Variants in SPECC1L observed in about 807,000 individuals in gnomAD.
The protein encoded by SPECC1L is cytospin-A.
SPECC1L carries 40 observed loss-of-function variants against 116.8 expected under a neutral mutation model. The ratio of observed to expected loss-of-function variants is 0.34; its 90% confidence interval spans 0.27 to 0.45. The LOEUF is 0.45. Ranked by LOEUF, SPECC1L falls within the 20% of genes least tolerant of loss-of-function variation. SPECC1L has a pLI of 1.00. For synonymous variants in SPECC1L, 504 were observed against 500.6 expected, an observed-to-expected ratio of 1.01 and a Z score of -0.09; for missense variants, 1,110 against 1,373.6, an observed-to-expected ratio of 0.81 and a Z score of 3.03.
intron 2 of SPECC1L, among the ~76,000 whole-genome samples, chr22:24,298,386 T>G (rs1237183213): frequency 6.6e-6 from 1 of 152,238 alleles, no homozygotes. Context: ...GGGCAATATC[T>G]GCATTTTTAG....
intron 14 of SPECC1L, among the ~76,000 whole-genome samples, chr22:24,390,888 T>TTTC (rs1569445815): frequency 2.8e-5 from 3 of 106,018 alleles, no homozygotes; most frequent in East Asian, 2.7e-4. Flanking sequence ...TTTTTTTTTT[T>TTTC]TTTTTTTTTT....
chr22:24,393,951 G>A (rs925143766), intron 14 of SPECC1L, among the ~76,000 whole-genome samples: 3 of 152,078 alleles, frequency 2.0e-5, no homozygotes, highest in Admixed American at 6.6e-5. Flanking sequence ...CAATTTTAGG[G>A]GAGTTCTGGC....
intron 14 of SPECC1L, among the ~76,000 whole-genome samples, chr22:24,405,377 A>G (rs1019014740): frequency 6.6e-5 from 10 of 151,666 alleles, no homozygotes; most frequent in Admixed American, 5.3e-4. Context: ...TCACATGAAT[A>G]TGATGAGGGT....
At chr22:24,363,418 T>A in intron 12 of SPECC1L, 74 bp downstream of exon 12, 1 of 1,321,318 alleles carries the variant, frequency 7.6e-7, no homozygotes, top group Non-Finnish European at 1.1e-6. Flanking sequence ...TTGCCCAGGC[T>A]GATCTCAAAC....
chr22:24,373,751 C>T (rs1254311378), intron 14 of SPECC1L, among the ~76,000 whole-genome samples: 1 of 152,114 alleles, frequency 6.6e-6, no homozygotes, highest in African/African-American at 2.4e-5. Flanking sequence ...AAAGCAATGG[C>T]AACAAAAGCG....
At chr22:24,293,060 T>C (rs2049186192) in intron 2 of SPECC1L, among the ~76,000 whole-genome samples, 1 of 151,954 alleles carries the variant, frequency 6.6e-6, no homozygotes, top group African/African-American at 2.4e-5. Context: ...TGTAGTGTGC[T>C]ATGATAGAGA....
At chr22:24,413,242 C>T (rs1339845051) in intron 16 of SPECC1L, among the ~76,000 whole-genome samples, 2 of 152,158 alleles carry the variant, frequency 1.3e-5, no homozygotes, top group East Asian at 1.9e-4. Flanking sequence ...GGAAACCCGG[C>T]GTGTTCTCAG....
At chr22:24,391,871 G>A (rs2042280720) in intron 14 of SPECC1L, among the ~76,000 whole-genome samples, 1 of 152,212 alleles carries the variant, frequency 6.6e-6, no homozygotes, top group Non-Finnish European at 1.5e-5. Context: ...GAGAAAACCT[G>A]CCGAATGTAA....
At chr22:24,393,087 A>G (rs376307684) in intron 14 of SPECC1L, among the ~76,000 whole-genome samples, 2 of 152,348 alleles carry the variant, frequency 1.3e-5, no homozygotes, top group African/African-American at 4.8e-5. Flanking sequence ...ACTGTTTGTC[A>G]AGGCAGTTAC....
chr22:24,379,650 A>G (rs1265327987), intron 14 of SPECC1L, among the ~76,000 whole-genome samples: 1 of 152,172 alleles, frequency 6.6e-6, no homozygotes, highest in Non-Finnish European at 1.5e-5. Flanking sequence ...CTTTTTGTAC[A>G]CTTGACAGTC....
intron 10 of SPECC1L, 149 bp downstream of exon 10, chr22:24,338,626 A>G (rs932641545): frequency 2.4e-5 from 15 of 626,748 alleles, no homozygotes; most frequent in Middle Eastern, 4.3e-4. Context: ...AATACTATAA[A>G]TATCTTTAAT....
chr22:24,344,596 A>G (rs2041251734), intron 10 of SPECC1L, among the ~76,000 whole-genome samples: 1 of 143,176 alleles, frequency 7.0e-6, no homozygotes, highest in Non-Finnish European at 1.5e-5. Context: ...TAAGACCAAA[A>G]AAAAAAAAAA....
At chr22:24,409,383 G>T (rs2042649593) in intron 14 of SPECC1L, among the ~76,000 whole-genome samples, 2 of 152,164 alleles carry the variant, frequency 1.3e-5, no homozygotes, top group African/African-American at 4.8e-5. Flanking sequence ...TGTGGTGTCT[G>T]CATAAAGTGT....
At chr22:24,301,534 C>T (rs2049378724) in intron 2 of SPECC1L, among the ~76,000 whole-genome samples, 1 of 152,128 alleles carries the variant, frequency 6.6e-6, no homozygotes, top group Admixed American at 6.6e-5. Flanking sequence ...ACAGAATCAT[C>T]TAACACAAAG....
chr22:24,379,903 AC>A (rs1240112785), intron 14 of SPECC1L, among the ~76,000 whole-genome samples: 2 of 152,264 alleles, frequency 1.3e-5, no homozygotes, highest in East Asian at 3.9e-4. Flanking sequence ...TCACTCTGTC[AC>A]CCAGGCTGGA....
At chr22:24,288,615 C>CTTTTTTTTTTTTTTTTTTTTTT (rs756714389) in intron 2 of SPECC1L, among the ~76,000 whole-genome samples, 4 of 61,680 alleles carry the variant, frequency 6.5e-5, no homozygotes, top group South Asian at 6.6e-4. Context: ...AAATTTTAAG[C>CTTTTTTTTTTTTTTTTTTTTTT]TTTTTTTTTT....
At chr22:24,350,454 C>T (rs187369173) in intron 11 of SPECC1L, among the ~76,000 whole-genome samples, 4 of 152,198 alleles carry the variant, frequency 2.6e-5, no homozygotes, top group East Asian at 1.9e-4. Context: ...AAGTGCTTAG[C>T]GCCAATTCTA....
chr22:24,386,782 T>C (rs574325582), intron 14 of SPECC1L, among the ~76,000 whole-genome samples: 1 of 152,210 alleles, frequency 6.6e-6, no homozygotes, highest in South Asian at 2.1e-4. Context: ...TTTTTTTGTA[T>C]TGTTAGTAGA....
intron 11 of SPECC1L, among the ~76,000 whole-genome samples, chr22:24,356,953 G>A (rs553556586): frequency 6.6e-6 from 1 of 151,708 alleles, no homozygotes; most frequent in African/African-American, 2.4e-5. Flanking sequence ...ACCCACCAGA[G>A]TCCCAGTATC....
Sources: gnomAD v4.1 joint callset for allele counts (sites outside exome capture counted in the v4.1 genomes callset) on GRCh38, gnomAD v4.1.1 for gene constraint, MANE v1.5 for transcripts, NCBI Gene and HGNC (gene_info 2026-07-23, HGNC 2026-07-21) for gene names.